Variants in ZBBX observed in about 807,000 individuals in gnomAD.
ZBBX encodes zinc finger B-box domain-containing protein 1.
In ZBBX, 101 loss-of-function variants were observed where a neutral mutation model predicts 108.5. The observed-to-expected ratio is 0.93, with a 90% CI of 0.79 to 1.10. The LOEUF is 1.10. Among genes scored for constraint, ZBBX ranks in the 50% least tolerant of loss-of-function variants. The pLI, the probability that ZBBX is intolerant of heterozygous loss-of-function variation, is 0.00. For missense variants in ZBBX, 1,009 were observed against 941.4 expected, an observed-to-expected ratio of 1.07 and a Z score of -0.94; for synonymous variants, 356 against 323.4, an observed-to-expected ratio of 1.10 and a Z score of -1.08.
At chr3:167,351,104 GA>G (rs1336957473) in intron 8 of ZBBX, among the ~76,000 whole-genome samples, 1 of 150,894 alleles carries the variant, frequency 6.6e-6, no homozygotes, top group Non-Finnish European at 1.5e-5. Flanking sequence ...AAAAGTATAA[GA>G]AAAAAATACT....
rs754230249 is a variant in ZBBX at position 167,258,222 on chromosome 3, T to C, written c.2255-15579A>G. On this transcript the variant is annotated intron_variant, in intron 20 of 21. Transcript: ENST00000675490. Reference sequence around the variant, plus strand: ...GGAATGTAAACTAGTACAGCCACTATGGAAAACAGTGTGAAGATTCCTTTA... The same window carrying C: ...GGAATGTAAACTAGTACAGCCACTACGGAAAACAGTGTGAAGATTCCTTTA... Among the ~76,000 whole-genome samples, 12 of 152,134 alleles carry C rather than the reference T, an allele frequency of 7.9e-5. 1 individual carries two copies. Among genetic ancestry groups the C allele is most frequent in the Admixed American group, 2.0e-4 (3 of 15,276 alleles).
intron 8 of ZBBX, among the ~76,000 whole-genome samples, chr3:167,358,632 T>C (rs542480775): frequency 9.2e-5 from 14 of 152,086 alleles, no homozygotes; most frequent in South Asian, 6.2e-4. Context: ...TTTCACATTA[T>C]AGCTTTTAAG....
In ZBBX at chr3:167,366,056, T is replaced by C. The variant is rs115866120; in HGVS notation, c.183-80A>G. On this transcript the variant is annotated intron_variant, in intron 5 of 21. Transcript: ENST00000675490. The stretch of plus-strand genomic sequence containing the variant: ...AATGAAAAGAAATACAGTGTTCCTG[T>C]TTCAGAAAATGGAAATTCAGTTGTT... 31,738 of 1,079,044 alleles carry C rather than the reference T, an allele frequency of 0.029. 601 individuals carry two copies. Among genetic ancestry groups the C allele is most frequent in the Non-Finnish European group, 0.036 (27,544 of 762,200 alleles). The allele number at this position is 1,079,044 out of a possible 1,614,324, so 66.8% of individuals were successfully genotyped here. A position where few individuals can be genotyped will look rare whatever the true frequency, so the allele number is the denominator to read the frequency against.
chr3:167,196,801 A>G, the ZBBX span, among the ~76,000 whole-genome samples: 1 of 152,180 alleles, frequency 6.6e-6, no homozygotes, highest in East Asian at 1.9e-4. Context: ...TATTTAAAGC[A>G]TAAAGAAGTT....
intron 20 of ZBBX, among the ~76,000 whole-genome samples, chr3:167,257,846 A>AT (rs150026309): frequency 0.05 from 7,623 of 151,340 alleles, 522 homozygotes; most frequent in African/African-American, 0.16. Flanking sequence ...TTTTGAAGGG[A>AT]TTTTTTTCTT....
At chr3:167,259,877 C>A (rs1349533869) in intron 20 of ZBBX, among the ~76,000 whole-genome samples, 1 of 151,920 alleles carries the variant, frequency 6.6e-6, no homozygotes, top group Non-Finnish European at 1.5e-5. Flanking sequence ...TATTGAGGCT[C>A]ATTTTATGGC....
the ZBBX span, among the ~76,000 whole-genome samples, chr3:167,192,468 T>C: frequency 6.6e-6 from 1 of 152,190 alleles, no homozygotes; most frequent in African/African-American, 2.4e-5. Flanking sequence ...TCCTGGCCTG[T>C]ATAGTTTCTG....
At position 167,242,510 on chromosome 3, in the gene ZBBX, T is replaced by C. The variant is rs778743026; in HGVS notation, c.2388A>G (p.Glu796=). The change falls in exon 21 of 22, where the codon GAA becomes GAG. Residue 796 remains glutamate (E), a synonymous_variant. Transcript: ENST00000675490. ...AAACTGCAGGCTTAACTTACCTCAATTCCTCAACTCCACAGGGACCCCTCA... is the reference window on the plus strand; with the variant it reads ...AAACTGCAGGCTTAACTTACCTCAACTCCTCAACTCCACAGGGACCCCTCA... ...SHVRGPCGVE[E]LSCSGRDTKI... is the part of the protein sequence containing the mutation. The C allele has an allele frequency of 1.9e-6, 3 of 1,600,422 alleles. No individual in the cohort carries two copies. The highest frequency in any genetic ancestry group is 2.6e-6 in the Non-Finnish European group (3 of 1,175,608).
At chr3:167,360,009 T>A (rs1744250270) in intron 7 of ZBBX, 30 bp from the exon 8 acceptor site, 1 of 1,292,456 alleles carries the variant, frequency 7.7e-7, no homozygotes, top group African/African-American at 1.5e-5. Flanking sequence ...ATTACTCCAA[T>A]CATTTAAAAA....
intron 20 of ZBBX, among the ~76,000 whole-genome samples, chr3:167,246,341 G>C (rs1375716336): frequency 6.6e-6 from 1 of 152,104 alleles, no homozygotes; most frequent in African/African-American, 2.4e-5. Context: ...TAGTTAATTT[G>C]TGAACTATAA....
chr3:167,279,587 G>A lies in ZBBX; in HGVS notation c.2254+2651C>T, dbSNP rs1728377713. On this transcript the variant is annotated intron_variant, in intron 20 of 21. Transcript: ENST00000675490. ...GGAGAACTACAAACCACTGCTCAATGAAATAAAAGAGGATACAAACAAATG... is the reference window on the plus strand; with the variant it reads ...GGAGAACTACAAACCACTGCTCAATAAAATAAAAGAGGATACAAACAAATG... Among the ~76,000 whole-genome samples, 3 of 151,222 alleles carry A rather than the reference G, an allele frequency of 2.0e-5. No individual in the cohort carries two copies. In the South Asian group the frequency reaches 6.3e-4, roughly 32 times the overall value.
chr3:167,225,939 T>C, the ZBBX span, among the ~76,000 whole-genome samples: 1 of 151,616 alleles, frequency 6.6e-6, no homozygotes, highest in South Asian at 2.1e-4. Flanking sequence ...CTTTCAGTTA[T>C]AAAAGCCTAT....
Position 167,317,071 on chromosome 3 carries a change from T to TA in ZBBX, c.1127dup (p.Leu376PhefsTer13). ...CTATGTTTAATGTTTCTACTGGCAA[T>TA]AAAAGAGCTGTGTGTTGTACTTTGG... is the stretch of plus-strand genomic sequence containing the variant. On this transcript the variant is annotated frameshift_variant, in exon 14 of 22. Transcript: ENST00000675490. LOFTEE classifies it high-confidence loss of function. 1 of 1,610,914 alleles carries TA rather than the reference T, an allele frequency of 6.2e-7. No homozygotes were observed. Among genetic ancestry groups the TA allele is most frequent in the Non-Finnish European group, 8.5e-7 (1 of 1,177,950 alleles).
intron 11 of ZBBX, among the ~76,000 whole-genome samples, chr3:167,324,935 C>T (rs554061561): frequency 2.6e-5 from 4 of 152,134 alleles, no homozygotes; most frequent in Admixed American, 6.6e-5. Flanking sequence ...ATTACAGCAT[C>T]TCAATCTCAT....
upstream of ZBBX, among the ~76,000 whole-genome samples, chr3:167,383,928 T>A (rs997439401): frequency 6.6e-6 from 1 of 152,078 alleles, no homozygotes; most frequent in Non-Finnish European, 1.5e-5. Flanking sequence ...CATTACATGT[T>A]TGTGGCATGG....
chr3:167,330,945 T>TCTCTCTCTCTCTCTCTCTCTCTC (rs1738465561), intron 10 of ZBBX, among the ~76,000 whole-genome samples: 16 of 87,214 alleles, frequency 1.8e-4, no homozygotes, highest in South Asian at 5.1e-4. Flanking sequence ...CTCTCTTTCT[T>TCTCTCTCTCTCTCTCTCTCTCTC]TCTCTCTCTC....
intron 20 of ZBBX, among the ~76,000 whole-genome samples, chr3:167,276,510 T>C (rs1276348324): frequency 6.6e-6 from 1 of 151,642 alleles, no homozygotes; most frequent in African/African-American, 2.4e-5. Flanking sequence ...GAAGATGAAA[T>C]GAATAAAATG....
At chr3:167,202,350 G>A in the ZBBX span, among the ~76,000 whole-genome samples, 2 of 152,090 alleles carry the variant, frequency 1.3e-5, no homozygotes, top group African/African-American at 4.8e-5. Flanking sequence ...GTGTTAAATC[G>A]CTGAGAAACA....
At chr3:167,396,367 T>A (rs16847599) in intron 1 of ZBBX, among the ~76,000 whole-genome samples, 46,681 of 151,778 alleles carry the variant, frequency 0.31, 7,433 homozygotes, top group African/African-American at 0.35. Flanking sequence ...GTGCAACTCC[T>A]AGGGGCGACA....
Sources: allele counts gnomAD v4.1 joint callset (sites outside exome capture counted in the v4.1 genomes callset), GRCh38; gene constraint gnomAD v4.1.1; transcripts MANE v1.5; gene names NCBI Gene and HGNC (gene_info 2026-07-23, HGNC 2026-07-21).